UTRN: variants seen among roughly 807,000 people sequenced by gnomAD.
UTRN encodes utrophin.
Under a neutral mutation model 463.9 loss-of-function variants are expected in UTRN, and 283 were observed. The observed-to-expected ratio is 0.61, with a 90% CI of 0.55 to 0.67. The LOEUF is 0.67. Ranked by LOEUF, UTRN falls within the 30% of genes least tolerant of loss-of-function variation. The pLI is 0.00. For synonymous variants in UTRN, 1,442 were observed against 1,431.5 expected (o/e 1.01, Z -0.17); for missense variants, 3,922 against 4,084.3 (o/e 0.96, Z 1.08).
At chr6:144,720,575 T>G (rs1787021691) in intron 53 of UTRN, among the ~76,000 whole-genome samples, 1 of 152,218 alleles carries the variant, frequency 6.6e-6, no homozygotes, top group Admixed American at 6.5e-5. Flanking sequence ...CAATCAGGTC[T>G]TCATTAATCT....
At chr6:144,708,456 C>T in intron 53 of UTRN, 1 of 611,636 alleles carries the variant, frequency 1.6e-6, no homozygotes, top group Non-Finnish European at 2.9e-6. Flanking sequence ...CCTCGGGCCT[C>T]TGACTCCTCA....
chr6:144,379,819 G>A (rs1260255466), intron 2 of UTRN, among the ~76,000 whole-genome samples: 1 of 152,264 alleles, frequency 6.6e-6, no homozygotes, highest in Non-Finnish European at 1.5e-5. Context: ...CATAGATGCT[G>A]TGGAGTGAGT....
At position 144,482,256 on chromosome 6, in the gene UTRN, C is replaced by A. The variant is rs1398852607; in HGVS notation, c.3555C>A (p.Leu1185=). 1 of 1,603,272 alleles carries A rather than the reference C, an allele frequency of 6.2e-7. No homozygotes were observed. Among genetic ancestry groups the A allele is most frequent in the Non-Finnish European group, 8.5e-7 (1 of 1,176,056 alleles). ...VLQKEVRVKI[L]KDNIKLLAAK... is the part of the protein sequence containing the mutation. ...AGAAGGAGGTGAGAGTGAAGATTCT[C>A]AAGGACAACATCAAGTTATTAGCTG... Residue 1185 remains leucine (L), a synonymous_variant, in exon 27 of 75, where the codon CTC becomes CTA. Coordinates refer to ENST00000367545, the MANE Select transcript of UTRN (RefSeq NM_007124.3).
intron 53 of UTRN, among the ~76,000 whole-genome samples, chr6:144,716,687 A>G (rs769523578): frequency 2.2e-4 from 34 of 152,192 alleles, no homozygotes; most frequent in Non-Finnish European, 4.1e-4. Flanking sequence ...TTTTATCACC[A>G]TAACAACCCT....
intron 51 of UTRN, among the ~76,000 whole-genome samples, chr6:144,662,911 A>G (rs1317488474): frequency 6.6e-6 from 1 of 152,198 alleles, no homozygotes; most frequent in Non-Finnish European, 1.5e-5. Context: ...TTTACTGGAT[A>G]TAAGAATGTT....
intron 27 of UTRN, 148 bp downstream of exon 27, chr6:144,482,536 T>C (rs894780076): frequency 3.8e-6 from 2 of 525,870 alleles, no homozygotes; most frequent in East Asian, 1.2e-4. Flanking sequence ...AATTCTGGAT[T>C]ATAAAGAAAA....
chr6:144,496,255 G>A (rs1182718295), intron 33 of UTRN, among the ~76,000 whole-genome samples: 2 of 152,156 alleles, frequency 1.3e-5, no homozygotes, highest in African/African-American at 4.8e-5. Context: ...AGGTAATATT[G>A]AAGTTTCTAT....
At chr6:144,289,323 A>G (rs370723762) in intron 1 of UTRN, among the ~76,000 whole-genome samples, 16 of 152,084 alleles carry the variant, frequency 1.1e-4, no homozygotes, top group Non-Finnish European at 2.4e-4. Context: ...CCCAAATCCT[A>G]TTGACTTTCT....
At chr6:144,551,801 G>C (rs1385167807) in intron 48 of UTRN, among the ~76,000 whole-genome samples, 2 of 152,106 alleles carry the variant, frequency 1.3e-5, no homozygotes, top group Non-Finnish European at 2.9e-5. Context: ...TAATTATGCT[G>C]TTATTCCTTA....
intron 39 of UTRN, among the ~76,000 whole-genome samples, chr6:144,518,456 ACAT>A (rs1795819574): frequency 6.6e-6 from 1 of 152,236 alleles, no homozygotes; most frequent in Non-Finnish European, 1.5e-5. Context: ...TTTCCTAAAC[ACAT>A]CATGTGCCTT....
In UTRN at chr6:144,286,270, G is replaced by A. The variant is rs184674256; in HGVS notation, c.-93+449G>A. Among the ~76,000 whole-genome samples, 40 of 152,318 alleles carry A rather than the reference G, an allele frequency of 2.6e-4. No homozygotes were observed. In the East Asian group the frequency reaches 6.2e-3, roughly 24 times the overall value. ...GAGTCTGTCACAGACACCCGGGCCC[G>A]GGGAAGGCGGGGCTCCGGCGGTGTC... is the stretch of plus-strand genomic sequence containing the variant. On this transcript the variant is annotated intron_variant, in intron 1 of 74. Coordinates refer to ENST00000367545, the MANE Select transcript of UTRN (RefSeq NM_007124.3). This position sits in a 1 kb window ranked among gnomAD's most constrained non-coding sequence, Gnocchi z 4.4.
At chr6:144,433,178 C>T (rs1395564352) in intron 9 of UTRN, among the ~76,000 whole-genome samples, 1 of 152,132 alleles carries the variant, frequency 6.6e-6, no homozygotes, top group African/African-American at 2.4e-5. Context: ...GTCATCATGG[C>T]CCGTTCTCAA....
At chr6:144,321,539 G>T (rs1775648929) in intron 2 of UTRN, among the ~76,000 whole-genome samples, 1 of 142,032 alleles carries the variant, frequency 7.0e-6, no homozygotes, top group Non-Finnish European at 1.5e-5. Flanking sequence ...GCGTGATCTC[G>T]GCTCACTGCA....
intron 51 of UTRN, among the ~76,000 whole-genome samples, chr6:144,654,236 A>C (rs1779108995): frequency 6.6e-6 from 1 of 152,250 alleles, no homozygotes. Flanking sequence ...CTAAGTAAGA[A>C]GATGACAGGG....
At chr6:144,835,679 C>A in intron 69 of UTRN, 101 bp from the exon 70 acceptor site, 1 of 1,507,270 alleles carries the variant, frequency 6.6e-7, no homozygotes, top group Non-Finnish European at 8.9e-7. Context: ...ACAAACTTGG[C>A]CCAGCCACTA....
intron 2 of UTRN, among the ~76,000 whole-genome samples, chr6:144,395,061 G>A (rs1326085617): frequency 1.3e-5 from 2 of 152,032 alleles, no homozygotes; most frequent in Non-Finnish European, 2.9e-5. Flanking sequence ...CAGACAGTTT[G>A]TAGAACATAA....
Position 144,511,051 on chromosome 6 carries a change from G to C in UTRN, c.4872G>C (p.Glu1624Asp), listed in dbSNP as rs770290380. The C allele has an allele frequency of 6.2e-7, 1 of 1,612,962 alleles. No individual in the cohort carries two copies. The highest frequency in any genetic ancestry group is 8.5e-7 in the Non-Finnish European group (1 of 1,179,222). ...LIEGSEPILE[E>D]RLCVLNAGWS... Reference sequence around the variant, plus strand: ...AGGGCAGTGAGCCTATTTTAGAAGAGAGGCTCTGCGTCCTTAACGCTGGGT... The same window carrying C: ...AGGGCAGTGAGCCTATTTTAGAAGACAGGCTCTGCGTCCTTAACGCTGGGT... Residue 1624 changes from glutamate (E) to aspartate (D), a missense_variant, in exon 35 of 75, where the codon GAG becomes GAC. Physicochemically the swap from Glu to Asp is conservative, Grantham distance 45. Transcript: ENST00000367545.
intron 51 of UTRN, among the ~76,000 whole-genome samples, chr6:144,592,139 T>A (rs1314485936): frequency 6.6e-6 from 1 of 152,168 alleles, no homozygotes. Context: ...ATGTCTTATA[T>A]TGTGACTTTT....
intron 2 of UTRN, among the ~76,000 whole-genome samples, chr6:144,380,275 A>G (rs1026415043): frequency 6.6e-6 from 1 of 152,204 alleles, no homozygotes; most frequent in African/African-American, 2.4e-5. Context: ...ACAGATTTAT[A>G]AAGTATTTTA....
Sources: allele counts gnomAD v4.1 joint callset (sites outside exome capture counted in the v4.1 genomes callset), GRCh38; gene constraint gnomAD v4.1.1; non-coding constraint Gnocchi (gnomAD v3.1); transcripts MANE v1.5; gene names NCBI Gene and HGNC (gene_info 2026-07-23, HGNC 2026-07-21).